TTLL7: variants seen among roughly 807,000 people sequenced by gnomAD.
TTLL7 encodes the protein tubulin tyrosine ligase like 7.
Under a neutral mutation model 120.2 loss-of-function variants are expected in TTLL7, and 53 were observed. That is an observed-to-expected ratio of 0.44 (90% CI 0.35 to 0.55). The LOEUF (loss-of-function observed/expected upper bound fraction) is 0.55. Among genes scored for constraint, TTLL7 ranks in the 20% least tolerant of loss-of-function variants. The pLI is 0.00. For synonymous variants in TTLL7, 353 were observed against 351.7 expected, an observed-to-expected ratio of 1.00 and a Z score of -0.04; for missense variants, 803 against 1,054.7, an observed-to-expected ratio of 0.76 and a Z score of 3.31.
At chr1:83,954,093 C>G (rs1390529357) in intron 1 of TTLL7, among the ~76,000 whole-genome samples, 2 of 152,102 alleles carry the variant, frequency 1.3e-5, no homozygotes, top group East Asian at 1.9e-4. Flanking sequence ...TGTCCAACAT[C>G]TTGTTACTGG....
chr1:83,898,171 T>C (rs1656410469), intron 18 of TTLL7, among the ~76,000 whole-genome samples: 1 of 152,036 alleles, frequency 6.6e-6, no homozygotes, highest in Non-Finnish European at 1.5e-5. Context: ...GCCAAATAAA[T>C]GATCAATATG....
At chr1:83,900,700 G>T (rs1656646811) in intron 18 of TTLL7, among the ~76,000 whole-genome samples, 1 of 151,912 alleles carries the variant, frequency 6.6e-6, no homozygotes, top group South Asian at 2.1e-4. Flanking sequence ...TCTTTTACAC[G>T]TTCAGGCAAT....
At chr1:83,935,409 T>C (rs1234384550) in intron 8 of TTLL7, among the ~76,000 whole-genome samples, 1 of 152,080 alleles carries the variant, frequency 6.6e-6, no homozygotes, top group Non-Finnish European at 1.5e-5. Context: ...GATGTGAAAA[T>C]GAGGAGTCAT....
intron 20 of TTLL7, chr1:83,882,555 C>G (rs1654613845): frequency 6.5e-6 from 1 of 152,840 alleles, no homozygotes; most frequent in Admixed American, 6.6e-5. Flanking sequence ...AAAGGAATAG[C>G]AGAGGCAAAT....
At chr1:83,921,627 G>A (rs1658678768) in intron 10 of TTLL7, among the ~76,000 whole-genome samples, 1 of 152,096 alleles carries the variant, frequency 6.6e-6, no homozygotes, top group Non-Finnish European at 1.5e-5. Flanking sequence ...AATAGTGCAT[G>A]TTTTAGAGGA....
intron 1 of TTLL7, among the ~76,000 whole-genome samples, chr1:83,969,495 T>G (rs1449612075): frequency 6.6e-6 from 1 of 151,968 alleles, no homozygotes; most frequent in Non-Finnish European, 1.5e-5. Flanking sequence ...AATTTATTAG[T>G]CTCCTTCTTT....
At chr1:83,940,837 T>C (rs1647885372) in intron 7 of TTLL7, among the ~76,000 whole-genome samples, 2 of 152,174 alleles carry the variant, frequency 1.3e-5, no homozygotes, top group African/African-American at 4.8e-5. Context: ...CCATCTCACA[T>C]TCCAGACCAG....
chr1:83,913,270 T>TA (rs1227731844), intron 14 of TTLL7, among the ~76,000 whole-genome samples: 2 of 152,152 alleles, frequency 1.3e-5, no homozygotes, highest in Admixed American at 6.6e-5. Context: ...AGGCTATATA[T>TA]AAAAAATGTA....
intron 4 of TTLL7, chr1:83,949,576 T>A (rs1461576147): frequency 1.3e-5 from 4 of 309,556 alleles, no homozygotes; most frequent in Non-Finnish European, 2.4e-5. Context: ...TCCACCCGCC[T>A]TGGCCTCCCA....
intron 19 of TTLL7, among the ~76,000 whole-genome samples, chr1:83,884,914 C>G (rs1474386924): frequency 6.6e-6 from 1 of 151,354 alleles, no homozygotes; most frequent in Non-Finnish European, 1.5e-5. Flanking sequence ...TTTTAATTGG[C>G]AAAGGAATGA....
intron 1 of TTLL7, among the ~76,000 whole-genome samples, chr1:83,959,615 A>G (rs1649840062): frequency 6.6e-6 from 1 of 152,180 alleles, no homozygotes; most frequent in African/African-American, 2.4e-5. Context: ...ACCGATGCTC[A>G]CTAACCAACA....
intron 18 of TTLL7, among the ~76,000 whole-genome samples, chr1:83,894,936 C>CA (rs1656084129): frequency 6.6e-6 from 1 of 152,034 alleles, no homozygotes; most frequent in East Asian, 1.9e-4. Context: ...GGGCATGGAA[C>CA]AACAGACTGA....
At chr1:83,920,141 G>T (rs2100793143) in intron 12 of TTLL7, among the ~76,000 whole-genome samples, 1 of 152,134 alleles carries the variant, frequency 6.6e-6, no homozygotes, top group South Asian at 2.1e-4. Flanking sequence ...ACTTTATGAA[G>T]GTTTTCAGTC....
chr1:83,891,897 G>A (rs758006954), intron 18 of TTLL7, among the ~76,000 whole-genome samples: 4 of 151,768 alleles, frequency 2.6e-5, no homozygotes, highest in South Asian at 2.1e-4. Flanking sequence ...GCATGATCTC[G>A]GCTTACTGTA....
intron 8 of TTLL7, among the ~76,000 whole-genome samples, chr1:83,935,135 C>T (rs1647271754): frequency 6.6e-6 from 1 of 151,854 alleles, no homozygotes; most frequent in Non-Finnish European, 1.5e-5. Flanking sequence ...AAATTTTGTT[C>T]AAGGTTAACA....
intron 20 of TTLL7, among the ~76,000 whole-genome samples, chr1:83,877,883 T>A (rs1654071384): frequency 6.6e-6 from 1 of 151,892 alleles, no homozygotes; most frequent in Non-Finnish European, 1.5e-5. Context: ...TATTTAAATG[T>A]TATTTTGTTA....
intron 20 of TTLL7, among the ~76,000 whole-genome samples, chr1:83,874,406 T>G (rs1220391635): frequency 3.3e-5 from 5 of 152,072 alleles, no homozygotes; most frequent in Non-Finnish European, 7.4e-5. Context: ...CTCTTGGCTA[T>G]TGTCTTATAA....
At chr1:83,913,060 G>A (rs1344037570) in intron 14 of TTLL7, 1 of 152,110 alleles carries the variant, frequency 6.6e-6, no homozygotes, top group Non-Finnish European at 1.5e-5. Flanking sequence ...ATCACAAGGG[G>A]AAACGTACAG....
intron 14 of TTLL7, among the ~76,000 whole-genome samples, chr1:83,915,082 G>A (rs957986404): frequency 6.6e-6 from 1 of 152,090 alleles, no homozygotes; most frequent in African/African-American, 2.4e-5. Context: ...ATGAGGGAAG[G>A]TTTCACACAA....
Sources: allele counts gnomAD v4.1 joint callset (sites outside exome capture counted in the v4.1 genomes callset), GRCh38; gene constraint gnomAD v4.1.1; transcripts MANE v1.5; gene names NCBI Gene and HGNC (gene_info 2026-07-23, HGNC 2026-07-21).